Variants in CDK14 observed in about 807,000 individuals in gnomAD.
The protein encoded by CDK14 is cyclin-dependent kinase 14.
In CDK14, 34 loss-of-function variants were observed where a neutral mutation model predicts 60.7. The observed-to-expected ratio is 0.56, with a 90% CI of 0.43 to 0.75. The LOEUF (loss-of-function observed/expected upper bound fraction) is 0.75. Ranked by LOEUF, CDK14 falls within the 30% of genes least tolerant of loss-of-function variation. The pLI, the probability that CDK14 is intolerant of heterozygous loss-of-function variation, is 0.00. For missense variants in CDK14, 482 were observed against 564.1 expected (o/e 0.85, Z 1.47); for synonymous variants, 197 against 203.7 (o/e 0.97, Z 0.28).
intron 5 of CDK14, among the ~76,000 whole-genome samples, chr7:90,831,632 A>G (rs1198549454): frequency 1.3e-5 from 2 of 151,854 alleles, no homozygotes; most frequent in Non-Finnish European, 2.9e-5. Flanking sequence ...GCTTATCACC[A>G]CTTCCTTGGC....
chr7:90,729,745 C>T lies in CDK14; in HGVS notation c.369+2933C>T, dbSNP rs187190926. On this transcript the variant is annotated intron_variant, in intron 3 of 14. Transcript: ENST00000380050. ...AATTTTTGCTTCAATTCAATGTGCC[C>T]TGGAAAAATGTCTTTTCTCTTACCT... 2.6e-5 allele frequency among the ~76,000 whole-genome samples: 4 copies of T among 151,960 alleles called. No homozygotes were observed. The East Asian group carries it at 7.7e-4, about 29-fold the overall frequency.
At chr7:91,068,423 C>T (rs1280527071) in intron 11 of CDK14, among the ~76,000 whole-genome samples, 1 of 152,164 alleles carries the variant, frequency 6.6e-6, no homozygotes, top group Admixed American at 6.5e-5. Context: ...TGATTGATAA[C>T]TCCAAAACTC....
chr7:90,635,450 G>A (rs1800119491), intron 2 of CDK14, among the ~76,000 whole-genome samples: 1 of 152,156 alleles, frequency 6.6e-6, no homozygotes, highest in Admixed American at 6.6e-5. Context: ...TTGTAGATAT[G>A]TGGTGTTATT....
chr7:90,917,908 T>A (rs552161908), intron 8 of CDK14, among the ~76,000 whole-genome samples, 184 bp downstream of exon 8: 1 of 152,202 alleles, frequency 6.6e-6, no homozygotes, highest in Non-Finnish European at 1.5e-5. Flanking sequence ...TTTGTGGAGT[T>A]TTATAAAATT....
At chr7:90,697,756 G>A (rs1327412055) in intron 2 of CDK14, among the ~76,000 whole-genome samples, 1 of 152,056 alleles carries the variant, frequency 6.6e-6, no homozygotes, top group Non-Finnish European at 1.5e-5. Context: ...ACTTTTCCAA[G>A]TAATTCCTTC....
rs567110348 is a variant in CDK14, at chr7:91,072,894, T to G, written c.1106-6538T>G. On this transcript the variant is annotated intron_variant, in intron 11 of 14. Coordinates refer to ENST00000380050, the MANE Select transcript of CDK14 (RefSeq NM_001287135.2). ...CATACACAAGTATCAATAGCCAAAT[T>G]GATCAAGCAGAAGAAAGAATATCAG... Among the ~76,000 whole-genome samples, 8 of 151,762 alleles carry G rather than the reference T, an allele frequency of 5.3e-5. No homozygotes were observed. In the East Asian group the frequency reaches 1.6e-3, roughly 30 times the overall value.
intron 10 of CDK14, among the ~76,000 whole-genome samples, chr7:91,013,656 G>GTTTTTTTTTTTT (rs56934476): frequency 2.3e-3 from 281 of 123,304 alleles, no homozygotes; most frequent in Non-Finnish European, 3.4e-3. Flanking sequence ...CATTGCCTCT[G>GTTTTTTTTTTTT]TTTTTTTTTT....
intron 9 of CDK14, among the ~76,000 whole-genome samples, chr7:90,962,307 T>C (rs1373243532): frequency 2.0e-5 from 3 of 151,974 alleles, no homozygotes; most frequent in Non-Finnish European, 2.9e-5. Flanking sequence ...ATCAACATGG[T>C]GAAACTGCAT....
chr7:90,940,029 C>G (rs1793869566), intron 8 of CDK14, among the ~76,000 whole-genome samples: 1 of 152,208 alleles, frequency 6.6e-6, no homozygotes, highest in Non-Finnish European at 1.5e-5. Context: ...GGAGCTGAGA[C>G]TGCCCAGGGC....
At chr7:91,122,740 G>A (rs1215569499) in intron 14 of CDK14, among the ~76,000 whole-genome samples, 2 of 152,186 alleles carry the variant, frequency 1.3e-5, no homozygotes, top group African/African-American at 2.4e-5. Flanking sequence ...TTCTGGGGCA[G>A]TCTATTGCTG....
intron 14 of CDK14, among the ~76,000 whole-genome samples, chr7:91,177,950 GA>G (rs1267770202): frequency 7.1e-6 from 1 of 141,302 alleles, no homozygotes; most frequent in African/African-American, 2.6e-5. Flanking sequence ...CACAGAATTG[GA>G]AAAAACTACT....
At chr7:90,672,502 G>GTTTTTTTTTTTTTTTTTTTTTTTTT (rs201978996) in intron 2 of CDK14, among the ~76,000 whole-genome samples, 1 of 49,984 alleles carries the variant, frequency 2.0e-5, no homozygotes. Context: ...TTCTTCTTCT[G>GTTTTTTTTTTTTTTTTTTTTTTTTT]TTTTTTTTTT....
At chr7:90,640,510 T>C (rs1037330207) in intron 2 of CDK14, among the ~76,000 whole-genome samples, 24 of 152,094 alleles carry the variant, frequency 1.6e-4, no homozygotes, top group Non-Finnish European at 2.1e-4. Context: ...GGTTGAAATT[T>C]GGATGGAGAG....
chr7:91,108,740 G>A (rs1020498058), intron 12 of CDK14, among the ~76,000 whole-genome samples: 3 of 152,156 alleles, frequency 2.0e-5, no homozygotes, highest in Admixed American at 1.3e-4. Context: ...ATCTCATTTC[G>A]TGCTATTATG....
At chr7:91,196,697 G>C (rs148880326) in intron 14 of CDK14, among the ~76,000 whole-genome samples, 28 of 152,312 alleles carry the variant, frequency 1.8e-4, no homozygotes, top group African/African-American at 5.5e-4. Flanking sequence ...AACCTCATTA[G>C]AGCAGAATGT....
At chr7:91,046,470 G>C (rs1584262559) in intron 11 of CDK14, among the ~76,000 whole-genome samples, 1 of 152,202 alleles carries the variant, frequency 6.6e-6, no homozygotes, top group East Asian at 1.9e-4. Context: ...ATTTAAACCT[G>C]AACACTGAAA....
intron 3 of CDK14, among the ~76,000 whole-genome samples, chr7:90,744,524 G>A (rs1278436857): frequency 1.3e-5 from 2 of 152,248 alleles, no homozygotes; most frequent in East Asian, 1.9e-4. Flanking sequence ...TGAGCTGTTG[G>A]GTAGACCTCC....
At chr7:91,156,445 G>A (rs1255043336) in intron 14 of CDK14, among the ~76,000 whole-genome samples, 2 of 152,120 alleles carry the variant, frequency 1.3e-5, no homozygotes, top group Non-Finnish European at 2.9e-5. Context: ...TAAGGAGGGA[G>A]TGAGGAGATC....
chr7:90,703,061 A>G (rs1801823435), intron 2 of CDK14, among the ~76,000 whole-genome samples: 1 of 151,090 alleles, frequency 6.6e-6, no homozygotes, highest in Admixed American at 6.6e-5. Context: ...AACTTAGGTA[A>G]GTTTTTGCAA....
Sources: gnomAD v4.1 joint callset for allele counts (sites outside exome capture counted in the v4.1 genomes callset) on GRCh38, gnomAD v4.1.1 for gene constraint, MANE v1.5 for transcripts, NCBI Gene and HGNC (gene_info 2026-07-23, HGNC 2026-07-21) for gene names.